Variants in TBC1D20 observed in about 807,000 individuals in gnomAD.
TBC1D20 encodes the protein chromosome 20 open reading frame 140.
Under a neutral mutation model 41.6 loss-of-function variants are expected in TBC1D20, and 12 were observed. The observed-to-expected ratio is 0.29, with a 90% confidence interval of 0.18 to 0.47. The LOEUF (loss-of-function observed/expected upper bound fraction) is 0.47, where lower values mean the gene tolerates loss of function less well. Among genes scored for constraint, TBC1D20 ranks in the 20% least tolerant of loss-of-function variants. The pLI, the probability that TBC1D20 is intolerant of heterozygous loss-of-function variation, is 1.00. For synonymous variants in TBC1D20, 205 were observed against 204.8 expected (o/e 1.00, Z -0.01); for missense variants, 421 against 517.4 (o/e 0.81, Z 1.81).
intron 1 of TBC1D20, among the ~76,000 whole-genome samples, chr20:448,443 C>G (rs933736731): frequency 1.3e-5 from 2 of 152,108 alleles, no homozygotes; most frequent in Non-Finnish European, 2.9e-5. Context: ...GTAATCCCAG[C>G]ACTTTGGGAG....
In TBC1D20 at chr20:462,422, C is replaced by A; in HGVS notation, c.-17G>T. On this transcript the variant is annotated 5_prime_UTR_variant, in exon 1 of 8. Transcript: ENST00000354200. ...GAGGGCCATGCCCCGGGGCCCCGGG[C>A]CCCCACCCGAGCCCCGGCTGGTGGC... 8.3e-7 allele frequency: 1 copy of A among 1,206,156 alleles called. No homozygotes were observed. Among genetic ancestry groups the A allele is most frequent in the South Asian group, 2.8e-5 (1 of 35,180 alleles). 74.7% of individuals were successfully genotyped at this position (1,206,156 alleles called of 1,614,324 possible).
rs1445322464 is a variant in TBC1D20, at chr20:437,855, A to G, written c.*731T>C. 1.3e-5 allele frequency: 2 copies of G among 153,642 alleles called. No homozygotes were observed. The highest frequency in any genetic ancestry group is 2.9e-5 in the Non-Finnish European group (2 of 68,048). The allele number at this position is 153,642 out of a possible 1,614,324, so 9.5% of individuals were successfully genotyped here. On this transcript the variant is annotated 3_prime_UTR_variant, in exon 8 of 8. Transcript: ENST00000354200. ...TGTATATATTCTAAAAATAGTAATA[A>G]AAGTACCTTTTATAAGCAATGTTGT...
chr20:448,028 A>C lies in TBC1D20; in HGVS notation c.117T>G (p.Ala39=), dbSNP rs1223668470. The C allele has an allele frequency of 6.2e-7, 1 of 1,613,982 alleles. No homozygotes were observed. Among genetic ancestry groups the C allele is most frequent in the African/African-American group, 1.3e-5 (1 of 74,918 alleles). Residue 39 remains alanine (A), a synonymous_variant, in exon 2 of 8, where the codon GCT becomes GCG. Coordinates refer to ENST00000354200, the MANE Select transcript of TBC1D20 (RefSeq NM_144628.4). ...CCACATCAGTGGGATCACTGTTCAGAGCCTGGTGTATCTCTGCCACTTTCT... is the reference window on the plus strand; with the variant it reads ...CCACATCAGTGGGATCACTGTTCAGCGCCTGGTGTATCTCTGCCACTTTCT... The part of the protein sequence containing the change: ...RKKKVAEIHQ[A]LNSDPTDVAA...
intron 5 of TBC1D20, 179 bp downstream of exon 5, chr20:441,409 C>T: frequency 1.6e-6 from 1 of 607,792 alleles, no homozygotes; most frequent in Admixed American, 2.7e-5. Context: ...AGCACAGTCC[C>T]CAAAAATGCT....
At chr20:453,524 G>A (rs78295414) in intron 1 of TBC1D20, among the ~76,000 whole-genome samples, 5,812 of 141,398 alleles carry the variant, frequency 0.041, 653 homozygotes, top group African/African-American at 0.13. Flanking sequence ...ACGGTGGCTC[G>A]TGCCTGTAAT....
chr20:439,324 C>CA lies in TBC1D20; in HGVS notation c.769-30dup. 2 of 1,565,642 alleles carry CA rather than the reference C, an allele frequency of 1.3e-6. No individual in the cohort carries two copies. Among genetic ancestry groups the CA allele is most frequent in the South Asian group, 1.2e-5 (1 of 83,772 alleles). On this transcript the variant is annotated intron_variant, in intron 6 of 7. Transcript: ENST00000354200. The surrounding 1 kb of genome is among the most constrained non-coding windows in gnomAD (Gnocchi z 4.6). ...TGGGGAGGTAGTAAAGCCTTGCAGTCAGAGGCCAGACACACAGGGCCTGGG... is the reference window on the plus strand; with the variant it reads ...TGGGGAGGTAGTAAAGCCTTGCAGTCAAGAGGCCAGACACACAGGGCCTGGG...
intron 1 of TBC1D20, among the ~76,000 whole-genome samples, chr20:451,543 G>A (rs1427981629): frequency 6.6e-6 from 1 of 152,124 alleles, no homozygotes; most frequent in Non-Finnish European, 1.5e-5. Context: ...GCAAGACTCT[G>A]TCTCAAAAGA....
intron 1 of TBC1D20, among the ~76,000 whole-genome samples, chr20:462,114 G>A (rs2017642479): frequency 1.3e-5 from 2 of 152,194 alleles, no homozygotes; most frequent in Non-Finnish European, 2.9e-5. Context: ...CTGCCGCCAG[G>A]CTCCCTCGGG....
Position 445,106 on chromosome 20 carries a change from T to G in TBC1D20, c.281A>C (p.Lys94Thr), listed in dbSNP as rs757088188. 2 of 1,602,402 alleles carry G rather than the reference T, an allele frequency of 1.2e-6. No homozygotes were observed. Among genetic ancestry groups the G allele is most frequent in the South Asian group, 2.2e-5 (2 of 89,436 alleles). The stretch of plus-strand genomic sequence containing the variant: ...GTCCAGCAACACTTGTTGGTAGTCC[T>G]TGCTCATCTGCCGTAGGTTCTTCCC... ...ISGKNLRQMS[K>T]DYQQVLLDVR... The change falls in exon 3 of 8, where the codon AAG becomes ACG. Residue 94 changes from lysine (K) to threonine (T), a missense_variant. Lys to Thr is a moderately conservative substitution (Grantham distance 78). This residue lies in a region of TBC1D20 where 150 missense variants were observed against 151.3 expected (regional missense o/e 0.99). Coordinates refer to ENST00000354200, the MANE Select transcript of TBC1D20 (RefSeq NM_144628.4).
chr20:456,703 T>C (rs907582301), intron 1 of TBC1D20, among the ~76,000 whole-genome samples: 6 of 151,910 alleles, frequency 3.9e-5, no homozygotes, highest in African/African-American at 7.3e-5. Context: ...TAGCTGGGAT[T>C]ACAGGCATTC....
rs1474090635 is a variant in TBC1D20, at chr20:462,339, C to T, written c.67G>A (p.Ala23Thr). The T allele has an allele frequency of 7.7e-7, 1 of 1,305,754 alleles. No individual in the cohort carries two copies. The highest frequency in any genetic ancestry group is 9.8e-7 in the Non-Finnish European group (1 of 1,017,208). 80.9% of individuals were successfully genotyped at this position (1,305,754 alleles called of 1,614,324 possible). A position where few individuals can be genotyped will look rare whatever the true frequency, so the allele number is the denominator to read the frequency against. ...GCGCCCCGGTCGGCTTCCGTACCTG[C>T]CTTCTCCGCGCCGCCGTCCCAGTGG... ...SGHWDGGAEKADFNAKRKKKV... is the reference protein window; with the variant it reads ...SGHWDGGAEKTDFNAKRKKKV... Residue 23 changes from alanine (A) to threonine (T), a missense_variant, in exon 1 of 8, where the codon GCA (alanine) becomes ACA (threonine). Around this residue, in one of 3 missense-constraint regions of TBC1D20, gnomAD observed 150 missense variants for 151.3 expected, o/e 0.99. Coordinates refer to ENST00000354200, the MANE Select transcript of TBC1D20 (RefSeq NM_144628.4).
chr20:436,345 C>T lies in TBC1D20; in HGVS notation c.*2241G>A, dbSNP rs1394312626. 6.6e-6 allele frequency: 1 copy of T among 152,320 alleles called. No individual in the cohort carries two copies. Among genetic ancestry groups the T allele is most frequent in the Admixed American group, 6.5e-5 (1 of 15,280 alleles). 9.4% of individuals were successfully genotyped at this position (152,320 alleles called of 1,614,324 possible). ...TCTGTACAAAATATTTACACATATT[C>T]TTTACAGAATAAGTAAACCACCTGA... On this transcript the variant is annotated 3_prime_UTR_variant, in exon 8 of 8. Coordinates refer to ENST00000354200, the MANE Select transcript of TBC1D20 (RefSeq NM_144628.4).
At chr20:444,970 T>C in intron 3 of TBC1D20, 80 bp downstream of exon 3, 1 of 1,287,920 alleles carries the variant, frequency 7.8e-7, no homozygotes. Context: ...GGCGGCAGGG[T>C]CCAGCATATT....
At chr20:441,337 C>CAT (rs539578025) in intron 5 of TBC1D20, 15 of 465,794 alleles carry the variant, frequency 3.2e-5, no homozygotes, top group Admixed American at 1.0e-4. Context: ...CCTTGGCATA[C>CAT]ATACCTTATC....
At position 439,707 on chromosome 20, in the gene TBC1D20, C is replaced by T. The variant is rs2017189415; in HGVS notation, c.769-412G>A. 6.6e-6 allele frequency among the ~76,000 whole-genome samples: 1 copy of T among 152,218 alleles called. No homozygotes were observed. Among genetic ancestry groups the T allele is most frequent in the African/African-American group, 2.4e-5 (1 of 41,458 alleles). ...GAACAGTCTTGCTCCCTTTAAGCATCTTCCTTCTGACTGTTGGTCCACAAA... is the reference window on the plus strand; with the variant it reads ...GAACAGTCTTGCTCCCTTTAAGCATTTTCCTTCTGACTGTTGGTCCACAAA... On this transcript the variant is annotated intron_variant, in intron 6 of 7. Transcript: ENST00000354200. The surrounding 1 kb of genome is among the most constrained non-coding windows in gnomAD (Gnocchi z 4.6).
Position 445,149 on chromosome 20 carries a change from C to A in TBC1D20, c.257-19G>T. ...TTCTTCCCTATTGAAGGAAAAGGCA[C>A]GTTATTGCAGGAATGCCTGAGAAGC... On this transcript the variant is annotated intron_variant, in intron 2 of 7. Coordinates refer to ENST00000354200, the MANE Select transcript of TBC1D20 (RefSeq NM_144628.4). 6.4e-7 allele frequency: 1 copy of A among 1,570,918 alleles called. No individual in the cohort carries two copies. Among genetic ancestry groups the A allele is most frequent in the Non-Finnish European group, 8.7e-7 (1 of 1,151,884 alleles).
rs2017649892 is a variant in TBC1D20, at chr20:462,386, T to C, written c.20A>G (p.Gln7Arg). 1 of 1,293,404 alleles carries C rather than the reference T, an allele frequency of 7.7e-7. No homozygotes were observed. The highest frequency in any genetic ancestry group is 2.0e-5 in the South Asian group (1 of 50,406). The allele number at this position is 1,293,404 out of a possible 1,614,324, so 80.1% of individuals were successfully genotyped here. ...GTGGCCGGAGGTGGGGCCGTCGCCCTGCGCACTCCGGAGGGCCATGCCCCG... is the reference window on the plus strand; with the variant it reads ...GTGGCCGGAGGTGGGGCCGTCGCCCCGCGCACTCCGGAGGGCCATGCCCCG... MALRSA[Q>R]GDGPTSGHWD... is the part of the protein sequence containing the mutation. Residue 7 changes from glutamine to arginine, a missense_variant, in exon 1 of 8, where the codon CAG becomes CGG. Gln to Arg is a conservative substitution (Grantham distance 43, BLOSUM62 1). Transcript: ENST00000354200.
At chr20:441,544 G>A in intron 5 of TBC1D20, 44 bp downstream of exon 5, 1 of 1,504,556 alleles carries the variant, frequency 6.6e-7, no homozygotes, top group Non-Finnish European at 9.3e-7. Context: ...GGGGGGGTGT[G>A]GGCGTGTGTA....
At chr20:453,718 T>C (rs1216587840) in intron 1 of TBC1D20, among the ~76,000 whole-genome samples, 1 of 145,082 alleles carries the variant, frequency 6.9e-6, no homozygotes, top group Non-Finnish European at 1.5e-5. Context: ...GCTAATTTTT[T>C]TTTTTGTATT....
Sources: allele counts gnomAD v4.1 joint callset (sites outside exome capture counted in the v4.1 genomes callset), GRCh38; gene constraint gnomAD v4.1.1; regional missense constraint gnomAD v4.1.1; non-coding constraint Gnocchi (gnomAD v3.1); transcripts MANE v1.5; gene names NCBI Gene and HGNC (gene_info 2026-07-23, HGNC 2026-07-21).